The following SNAP91 variants were observed in gnomAD, a reference collection of about 807,000 sequenced individuals.
SNAP91 encodes synaptosome associated protein 91, also known as clathrin coat assembly protein AP180.
Under a neutral mutation model 100.3 loss-of-function variants are expected in SNAP91, and 27 were observed. That is an observed-to-expected ratio of 0.27 (90% CI 0.20 to 0.37). The LOEUF (loss-of-function observed/expected upper bound fraction) is 0.37. Among genes scored for constraint, SNAP91 ranks in the 10% least tolerant of loss-of-function variants. The probability of loss-of-function intolerance (pLI) is 1.00; values close to 1 mark genes in which losing one functional copy is unlikely to be tolerated. For synonymous variants in SNAP91, 404 were observed against 398.6 expected (o/e 1.01, Z -0.16); for missense variants, 986 against 1,123.7 (o/e 0.88, Z 1.75).
chr6:83,605,421 A>G lies in SNAP91; in HGVS notation c.1141+264T>C, dbSNP rs368055201. ...AGAGTAGTAATAAAAAAGAACAACA[A>G]AAAACCCACAAAACTTCCTTGTTCC... On this transcript the variant is annotated intron_variant, in intron 14 of 29. Transcript: ENST00000369694. Among the ~76,000 whole-genome samples, 16 of 152,172 alleles carry G rather than the reference A, an allele frequency of 1.1e-4. 1 individual carries two copies. The highest frequency in any genetic ancestry group is 7.7e-4 in the East Asian group (4 of 5,196).
chr6:83,578,532 G>A (rs1823133905), intron 24 of SNAP91, among the ~76,000 whole-genome samples: 1 of 152,066 alleles, frequency 6.6e-6, no homozygotes, highest in African/African-American at 2.4e-5. Flanking sequence ...GGGTGCTTGG[G>A]TCAAAAGGTC....
intron 14 of SNAP91, among the ~76,000 whole-genome samples, chr6:83,604,840 A>C (rs1191856004): frequency 2.0e-5 from 3 of 152,088 alleles, no homozygotes; most frequent in Admixed American, 6.6e-5. Flanking sequence ...CAGTTCCTCA[A>C]AATGTTCTTT....
chr6:83,568,666 A>G lies in SNAP91; in HGVS notation c.2442+6344T>C, dbSNP rs114952878. Among the ~76,000 whole-genome samples the G allele has an allele frequency of 9.8e-3, 1,489 of 152,250 alleles. 14 individuals are homozygous for G. Among genetic ancestry groups the G allele is most frequent in the African/African-American group, 0.034 (1,409 of 41,536 alleles). Reference sequence around the variant, plus strand: ...ATCTAACTTGGGTTCTGTGATCTGAAAAGTGTTATAGCTACACCTCTAAGA... The same window carrying G: ...ATCTAACTTGGGTTCTGTGATCTGAGAAGTGTTATAGCTACACCTCTAAGA... On this transcript the variant is annotated intron_variant, in intron 26 of 29. Coordinates refer to ENST00000369694, the MANE Select transcript of SNAP91 (RefSeq NM_001242792.2).
intron 11 of SNAP91, 33 bp from the exon 12 acceptor site, chr6:83,610,710 AATATATATATATATATAT>A (rs747428612): frequency 6.1e-5 from 13 of 211,560 alleles, no homozygotes; most frequent in African/African-American, 1.6e-4. Flanking sequence ...ATTAAAACTG[AATATATATATATATATAT>A]ATATATATAT....
At chr6:83,601,526 A>G in intron 15 of SNAP91, 59 bp downstream of exon 15, 1 of 1,610,854 alleles carries the variant, frequency 6.2e-7, no homozygotes, top group African/African-American at 1.3e-5. Flanking sequence ...CAAAATAAGG[A>G]CAGTTGTTAC....
rs369889226 is a variant in SNAP91, at chr6:83,607,736, C to G, written c.985G>C (p.Asp329His). ...GCCGCAGATGCAGTTGCAAATAAATCAACCGGTGGGGATGTGTCAATAGTT... is the reference window on the plus strand; with the variant it reads ...GCCGCAGATGCAGTTGCAAATAAATGAACCGGTGGGGATGTGTCAATAGTT... The part of the protein sequence containing the change: ...AKTIDTSPPV[D>H]LFATASAAVP... The change falls in exon 13 of 30, where the codon GAT (aspartate) becomes CAT (histidine). Residue 329 changes from aspartate (D) to histidine (H), a missense_variant. Coordinates refer to ENST00000369694, the MANE Select transcript of SNAP91 (RefSeq NM_001242792.2). 6.3e-7 allele frequency: 1 copy of G among 1,593,472 alleles called. No individual in the cohort carries two copies. The highest frequency in any genetic ancestry group is 8.5e-7 in the Non-Finnish European group (1 of 1,169,636).
At chr6:83,594,942 T>C (rs1159539415) in intron 16 of SNAP91, among the ~76,000 whole-genome samples, 1 of 152,220 alleles carries the variant, frequency 6.6e-6, no homozygotes, top group African/African-American at 2.4e-5. Flanking sequence ...AAATTAAATA[T>C]ACAATGGCAA....
chr6:83,659,195 A>C (rs1038916941), intron 5 of SNAP91, 103 bp from the exon 6 acceptor site: 2 of 825,488 alleles, frequency 2.4e-6, no homozygotes, highest in African/African-American at 3.5e-5. Flanking sequence ...CCATTTCCTT[A>C]TTAATCCTGT....
In SNAP91 at chr6:83,576,013, A is replaced by T. The variant is rs368506100; in HGVS notation, c.2330+10T>A. Reference sequence around the variant, plus strand: ...ATCAAAAGGAAATCACATAATTTCCAAACACTTACTTTTTTGTTGTGGTAC... The same window carrying T: ...ATCAAAAGGAAATCACATAATTTCCTAACACTTACTTTTTTGTTGTGGTAC... On this transcript the variant is annotated intron_variant, in intron 25 of 29. Coordinates refer to ENST00000369694, the MANE Select transcript of SNAP91 (RefSeq NM_001242792.2). 8.5e-5 allele frequency: 119 copies of T among 1,403,130 alleles called. No homozygotes were observed. The highest frequency in any genetic ancestry group is 1.8e-4 in the Middle Eastern group (1 of 5,694). 86.9% of individuals were successfully genotyped at this position (1,403,130 alleles called of 1,614,324 possible).
At chr6:83,576,907 G>C (rs547575139) in intron 24 of SNAP91, among the ~76,000 whole-genome samples, 1 of 152,104 alleles carries the variant, frequency 6.6e-6, no homozygotes, top group Non-Finnish European at 1.5e-5. Context: ...TTAGGCACCC[G>C]GAACATATTA....
At chr6:83,640,558 T>A (rs1175707646) in intron 8 of SNAP91, among the ~76,000 whole-genome samples, 2 of 152,156 alleles carry the variant, frequency 1.3e-5, no homozygotes, top group Non-Finnish European at 2.9e-5. Flanking sequence ...AACTGCATAG[T>A]TACACAGGTA....
intron 8 of SNAP91, among the ~76,000 whole-genome samples, chr6:83,633,771 G>T (rs956553885): frequency 6.6e-6 from 1 of 152,134 alleles, no homozygotes; most frequent in Non-Finnish European, 1.5e-5. Context: ...CAGTGGGCAA[G>T]CACATCTCAG....
At chr6:83,568,272 A>G (rs1052793251) in intron 26 of SNAP91, among the ~76,000 whole-genome samples, 1 of 151,928 alleles carries the variant, frequency 6.6e-6, no homozygotes, top group South Asian at 2.1e-4. Context: ...GCATGTTCTC[A>G]CTCATAGGTG....
intron 26 of SNAP91, among the ~76,000 whole-genome samples, chr6:83,574,153 G>A (rs960147937): frequency 6.6e-6 from 1 of 152,190 alleles, no homozygotes; most frequent in African/African-American, 2.4e-5. Flanking sequence ...GAAAGCCTTA[G>A]AGATGGGTTT....
intron 9 of SNAP91, among the ~76,000 whole-genome samples, chr6:83,620,318 C>T (rs1315638937): frequency 1.3e-5 from 2 of 152,160 alleles, no homozygotes; most frequent in Non-Finnish European, 2.9e-5. Flanking sequence ...TTGTTCATTA[C>T]CTGGCTAGAT....
intron 2 of SNAP91, among the ~76,000 whole-genome samples, chr6:83,688,017 T>C (rs1406527187): frequency 6.6e-6 from 1 of 152,116 alleles, no homozygotes; most frequent in Non-Finnish European, 1.5e-5. Flanking sequence ...GTGAGATATC[T>C]AAAAATATTT....
At chr6:83,699,105 A>C (rs1049647983) in intron 2 of SNAP91, among the ~76,000 whole-genome samples, 1 of 152,110 alleles carries the variant, frequency 6.6e-6, no homozygotes, top group Non-Finnish European at 1.5e-5. Flanking sequence ...TCTGAAGCAA[A>C]ATCTTTCTAG....
At chr6:83,667,403 C>T (rs971870841) in intron 2 of SNAP91, among the ~76,000 whole-genome samples, 1 of 151,946 alleles carries the variant, frequency 6.6e-6, no homozygotes, top group East Asian at 1.9e-4. Context: ...TATATGCAAA[C>T]AGGTTGATTA....
At chr6:83,642,101 G>C (rs183420222) in intron 7 of SNAP91, among the ~76,000 whole-genome samples, 3 of 152,246 alleles carry the variant, frequency 2.0e-5, no homozygotes, top group Admixed American at 6.5e-5. Flanking sequence ...GTTTATACCT[G>C]ATGGCCTAGC....
Sources: allele counts gnomAD v4.1 joint callset (sites outside exome capture counted in the v4.1 genomes callset), GRCh38; gene constraint gnomAD v4.1.1; transcripts MANE v1.5; gene names NCBI Gene and HGNC (gene_info 2026-07-23, HGNC 2026-07-21).